The following SPRR3 variants were observed in gnomAD, a reference collection of about 807,000 sequenced individuals.
The protein encoded by SPRR3 is small proline-rich protein 3.
For synonymous variants in SPRR3, 58 were observed against 72.3 expected, an observed-to-expected ratio of 0.80 and a Z score of 1.01; for missense variants, 183 against 200.3, an observed-to-expected ratio of 0.91 and a Z score of 0.52.
rs763465502 is a variant in SPRR3, at chr1:153,003,142, G to T, written c.122G>T (p.Cys41Phe). The T allele has an allele frequency of 3.7e-6, 6 of 1,613,970 alleles. No homozygotes were observed. The Admixed American group carries it at 1.0e-4, about 27-fold the overall frequency. ...EIFVPTTKEPCHSKVPQPGNT... is the reference protein window; with the variant it reads ...EIFVPTTKEPFHSKVPQPGNT... ...TTTGTTCCCACAACCAAGGAGCCAT[G>T]CCACTCAAAGGTTCCACAACCTGGA... The change falls in exon 2 of 2, where the codon TGC becomes TTC. Residue 41 changes from cysteine (C) to phenylalanine (F), a missense_variant. Cys to Phe is a radical substitution (Grantham distance 205, BLOSUM62 -2). Coordinates refer to ENST00000295367, the MANE Select transcript of SPRR3 (RefSeq NM_001097589.2).
At position 153,003,553 on chromosome 1, in the gene SPRR3, G is replaced by A. The variant is rs1370158004; in HGVS notation, c.*23G>A. The stretch of plus-strand genomic sequence containing the variant: ...TAATTTGGTGCACAGACAAGCCCTT[G>A]AGAAGCCAACCACCAGATGCTGGAC... On this transcript the variant is annotated 3_prime_UTR_variant, in exon 2 of 2. Coordinates refer to ENST00000295367, the MANE Select transcript of SPRR3 (RefSeq NM_001097589.2). The A allele has an allele frequency of 6.2e-7, 1 of 1,609,454 alleles. No individual in the cohort carries two copies. The highest frequency in any genetic ancestry group is 1.7e-5 in the Admixed American group (1 of 59,782).
rs946432410 is a variant in SPRR3 at position 153,003,689 on chromosome 1, A to G, written c.*159A>G. The stretch of plus-strand genomic sequence containing the variant: ...TATTTGTATCCTAAAAATACGTACT[A>G]TAAAGCTTTTGTTCACACACACTCT... On this transcript the variant is annotated 3_prime_UTR_variant, in exon 2 of 2. Transcript: ENST00000295367. 6 of 1,083,300 alleles carry G rather than the reference A, an allele frequency of 5.5e-6. No individual in the cohort carries two copies. Among genetic ancestry groups the G allele is most frequent in the African/African-American group, 3.2e-5 (2 of 62,464 alleles). 67.1% of individuals were successfully genotyped at this position (1,083,300 alleles called of 1,614,324 possible). A position where few individuals can be genotyped will look rare whatever the true frequency, so the allele number is the denominator to read the frequency against.
rs6684188 is a variant in SPRR3 at position 153,001,809 on chromosome 1, A to G, written c.-20+16A>G. On this transcript the variant is annotated intron_variant, in intron 1 of 1. Transcript: ENST00000295367. ...TGCACAGCAGGTGAGTCTCCGCATT[A>G]GGAACACCTTAATATTCTCCAATAG... 0.53 allele frequency: 80,686 copies of G among 152,128 alleles called. 21,539 individuals carry two copies. Among genetic ancestry groups the G allele is most frequent in the East Asian group, 0.65 (3,368 of 5,162 alleles). 9.4% of individuals were successfully genotyped at this position (152,128 alleles called of 1,614,324 possible).
chr1:153,003,650 C>G lies in SPRR3; in HGVS notation c.*120C>G. On this transcript the variant is annotated 3_prime_UTR_variant, in exon 2 of 2. Coordinates refer to ENST00000295367, the MANE Select transcript of SPRR3 (RefSeq NM_001097589.2). ...TAATCAGCACATTGTCACCCCAAGC[C>G]ATAGTCTCTCTCTTATTTGTATCCT... 7.6e-7 allele frequency: 1 copy of G among 1,319,046 alleles called. No individual in the cohort carries two copies. The highest frequency in any genetic ancestry group is 2.5e-5 in the East Asian group (1 of 40,310). The allele number at this position is 1,319,046 out of a possible 1,614,324, so 81.7% of individuals were successfully genotyped here.
At chr1:153,002,234 C>T (rs28924722) in intron 1 of SPRR3, 4 of 152,570 alleles carry the variant, frequency 2.6e-5, no homozygotes, top group South Asian at 2.1e-4. Flanking sequence ...TGTGGCAAAA[C>T]GAGGAAGGTG....
Position 153,002,987 on chromosome 1 carries a change from C to A in SPRR3, c.-19-15C>A. On this transcript the variant is annotated splice_polypyrimidine_tract_variant and intron_variant, in intron 1 of 1. Coordinates refer to ENST00000295367, the MANE Select transcript of SPRR3 (RefSeq NM_001097589.2). ...CTACTTAATCAAAGCACTGAATTAG[C>A]TGTTTTGTCTCTAGGTCCAGCATCC... The A allele has an allele frequency of 6.3e-7, 1 of 1,586,002 alleles. No homozygotes were observed. The highest frequency in any genetic ancestry group is 8.6e-7 in the Non-Finnish European group (1 of 1,165,340).
chr1:153,002,463 C>A, intron 1 of SPRR3: 4 of 158,654 alleles, frequency 2.5e-5, no homozygotes, highest in Admixed American at 1.8e-4. Context: ...GACTGCTGAC[C>A]TTAAAATCTT....
rs750073971 is a variant in SPRR3 at position 153,003,422 on chromosome 1, T to A, written c.402T>A (p.Pro134=). Residue 134 remains proline (P), a synonymous_variant, in exon 2 of 2, where the codon CCT becomes CCA. Coordinates refer to ENST00000295367, the MANE Select transcript of SPRR3 (RefSeq NM_001097589.2). ...KFPEPGAIKV[P]EQGYTKVPVP... is the part of the protein sequence containing the mutation. ...CTGAGCCAGGTGCCATCAAAGTTCC[T>A]GAGCAAGGATACACCAAAGTTCCTG... 1 of 1,613,986 alleles carries A rather than the reference T, an allele frequency of 6.2e-7. No individual in the cohort carries two copies. The highest frequency in any genetic ancestry group is 1.7e-5 in the Admixed American group (1 of 59,972).
chr1:153,003,526 A>C lies in SPRR3; in HGVS notation c.506A>C (p.Lys169Thr), dbSNP rs1158708902. The change falls in exon 2 of 2, where the codon AAG becomes ACG. Residue 169 changes from lysine to threonine, a missense_variant. Coordinates refer to ENST00000295367, the MANE Select transcript of SPRR3 (RefSeq NM_001097589.2). ...PGPAQQKTKQK is the reference protein window; with the variant it reads ...PGPAQQKTKQT ...CCAGCTCAGCAGAAGACCAAGCAGA[A>C]GTAATTTGGTGCACAGACAAGCCCT... is the stretch of plus-strand genomic sequence containing the variant. The C allele has an allele frequency of 6.2e-7, 1 of 1,613,182 alleles. No homozygotes were observed. Among genetic ancestry groups the C allele is most frequent in the Non-Finnish European group, 8.5e-7 (1 of 1,179,394 alleles).
intron 1 of SPRR3, 142 bp from the exon 2 acceptor site, chr1:153,002,860 A>T (rs2101571577): frequency 1.1e-6 from 1 of 889,498 alleles, no homozygotes; most frequent in East Asian, 2.7e-5. Context: ...TCACCAAAGC[A>T]TCCCATGATC....
At position 153,003,828 on chromosome 1, in the gene SPRR3, C is replaced by T. The variant is rs530625992; in HGVS notation, c.*298C>T. ...TGAAAAGAAATGCATGTTTCCTGCT[C>T]TTCCCTCATTAAATTGCTTTTAATT... On this transcript the variant is annotated 3_prime_UTR_variant, in exon 2 of 2. Transcript: ENST00000295367. 42 of 463,920 alleles carry T rather than the reference C, an allele frequency of 9.1e-5. No individual in the cohort carries two copies. Among genetic ancestry groups the T allele is most frequent in the Middle Eastern group, 6.0e-4 (1 of 1,654 alleles). 28.7% of individuals were successfully genotyped at this position (463,920 alleles called of 1,614,324 possible). A position where few individuals can be genotyped will look rare whatever the true frequency, so the allele number is the denominator to read the frequency against.
At position 153,003,417 on chromosome 1, in the gene SPRR3, G is replaced by T; in HGVS notation, c.397G>T (p.Val133Phe). ...IKFPEPGAIK[V>F]PEQGYTKVPV... ...GTTTCCTGAGCCAGGTGCCATCAAAGTTCCTGAGCAAGGATACACCAAAGT... is the reference window on the plus strand; with the variant it reads ...GTTTCCTGAGCCAGGTGCCATCAAATTTCCTGAGCAAGGATACACCAAAGT... The change falls in exon 2 of 2, where the codon GTT becomes TTT. Residue 133 changes from valine (V) to phenylalanine (F), a missense_variant. Coordinates refer to ENST00000295367, the MANE Select transcript of SPRR3 (RefSeq NM_001097589.2). The T allele has an allele frequency of 1.2e-6, 2 of 1,614,094 alleles. No individual in the cohort carries two copies. The highest frequency in any genetic ancestry group is 1.7e-6 in the Non-Finnish European group (2 of 1,180,010).
intron 1 of SPRR3, 62 bp downstream of exon 1, chr1:153,001,855 T>C (rs1652791232): frequency 6.6e-6 from 1 of 152,186 alleles, no homozygotes; most frequent in Non-Finnish European, 1.5e-5. Context: ...TTGATTGAGA[T>C]CTCTTTGCTA....
chr1:153,003,398 T>C lies in SPRR3; in HGVS notation c.378T>C (p.Pro126=), dbSNP rs28989171. 81 of 1,613,496 alleles carry C rather than the reference T, an allele frequency of 5.0e-5. 1 individual carries two copies. In the African/African-American group the frequency reaches 7.5e-4, roughly 15 times the overall value. Residue 126 remains proline (P), a synonymous_variant, in exon 2 of 2, where the codon CCT becomes CCC. Coordinates refer to ENST00000295367, the MANE Select transcript of SPRR3 (RefSeq NM_001097589.2). ...CTGACCAAGGCTTCATCAAGTTTCCTGAGCCAGGTGCCATCAAAGTTCCTG... is the reference window on the plus strand; with the variant it reads ...CTGACCAAGGCTTCATCAAGTTTCCCGAGCCAGGTGCCATCAAAGTTCCTG... The part of the protein sequence containing the change: ...KVPDQGFIKF[P]EPGAIKVPEQ...
chr1:153,003,637 T>C lies in SPRR3; in HGVS notation c.*107T>C. The C allele has an allele frequency of 4.2e-6, 6 of 1,419,558 alleles. No homozygotes were observed. The highest frequency in any genetic ancestry group is 5.7e-6 in the Non-Finnish European group (6 of 1,055,564). The allele number at this position is 1,419,558 out of a possible 1,614,324, so 87.9% of individuals were successfully genotyped here. Reference sequence around the variant, plus strand: ...TCTGTAGACCTTGTAATCAGCACATTGTCACCCCAAGCCATAGTCTCTCTC... The same window carrying C: ...TCTGTAGACCTTGTAATCAGCACATCGTCACCCCAAGCCATAGTCTCTCTC... On this transcript the variant is annotated 3_prime_UTR_variant, in exon 2 of 2. Transcript: ENST00000295367.
At position 153,002,001 on chromosome 1, in the gene SPRR3, C is replaced by T. The variant is rs529639504; in HGVS notation, c.-20+208C>T. The stretch of plus-strand genomic sequence containing the variant: ...GGGGAGTGATTTCTGTAAAGGCTTG[C>T]TAAGTTAGCAAGACAATATACCCAC... On this transcript the variant is annotated intron_variant, in intron 1 of 1. Transcript: ENST00000295367. 21 of 152,234 alleles carry T rather than the reference C, an allele frequency of 1.4e-4. No homozygotes were observed. The East Asian group carries it at 3.9e-3, about 28-fold the overall frequency. The allele number at this position is 152,234 out of a possible 1,614,324, so 9.4% of individuals were successfully genotyped here. A position where few individuals can be genotyped will look rare whatever the true frequency, so the allele number is the denominator to read the frequency against.
intron 1 of SPRR3, 175 bp downstream of exon 1, chr1:153,001,968 T>A (rs1415582698): frequency 6.6e-6 from 1 of 152,172 alleles, no homozygotes; most frequent in East Asian, 1.9e-4. Flanking sequence ...GAACTTAGGA[T>A]CAGAAAAGGG....
In SPRR3 at chr1:153,003,121, T is replaced by C. The variant is rs776408780; in HGVS notation, c.101T>C (p.Val34Ala). Residue 34 changes from valine to alanine, a missense_variant, in exon 2 of 2, where the codon GTT becomes GCT. By Grantham distance (64) the Val-to-Ala change is moderately conservative. Transcript: ENST00000295367. ...PSQPPPQEIF[V>A]PTTKEPCHSK... ...CAGCCTCCACCTCAGGAAATATTTG[T>C]TCCCACAACCAAGGAGCCATGCCAC... is the stretch of plus-strand genomic sequence containing the variant. 6.2e-7 allele frequency: 1 copy of C among 1,614,062 alleles called. No homozygotes were observed.
In SPRR3 at chr1:153,003,536, T is replaced by C; in HGVS notation, c.*6T>C. 6.2e-7 allele frequency: 1 copy of C among 1,612,804 alleles called. No homozygotes were observed. Among genetic ancestry groups the C allele is most frequent in the African/African-American group, 1.3e-5 (1 of 75,010 alleles). The stretch of plus-strand genomic sequence containing the variant: ...AGAAGACCAAGCAGAAGTAATTTGG[T>C]GCACAGACAAGCCCTTGAGAAGCCA... On this transcript the variant is annotated 3_prime_UTR_variant, in exon 2 of 2. Transcript: ENST00000295367.
Sources: gnomAD v4.1 joint callset for allele counts on GRCh38, gnomAD v4.1.1 for gene constraint, MANE v1.5 for transcripts, NCBI Gene and HGNC (gene_info 2026-07-23, HGNC 2026-07-21) for gene names.